The following ARMC3 variants were observed in gnomAD, a reference collection of about 807,000 sequenced individuals.
ARMC3 encodes the protein armadillo repeat containing 3.
A neutral mutation model predicts 90.3 loss-of-function variants in ARMC3; 74 were observed. The ratio of observed to expected loss-of-function variants is 0.82; its 90% confidence interval spans 0.68 to 0.99. The LOEUF (loss-of-function observed/expected upper bound fraction) is 0.99, where lower values mean the gene tolerates loss of function less well. ARMC3 is among the 50% of genes least tolerant of loss of function. The pLI, the probability that ARMC3 is intolerant of heterozygous loss-of-function variation, is 0.00. For synonymous variants in ARMC3, 334 were observed against 361.8 expected, an observed-to-expected ratio of 0.92 and a Z score of 0.87; for missense variants, 958 against 1,042.8, an observed-to-expected ratio of 0.92 and a Z score of 1.12.
intron 16 of ARMC3, chr10:23,014,122 A>G: frequency 6.5e-7 from 1 of 1,549,802 alleles, no homozygotes; most frequent in Non-Finnish European, 8.7e-7. Flanking sequence ...TTCAAGATAA[A>G]CCCTGAAGCA....
chr10:22,971,376 T>C (rs1835676979), intron 8 of ARMC3, among the ~76,000 whole-genome samples: 1 of 151,646 alleles, frequency 6.6e-6, no homozygotes, highest in Non-Finnish European at 1.5e-5. Context: ...GAGTCCCTGA[T>C]TTCAATTATT....
intron 13 of ARMC3, among the ~76,000 whole-genome samples, chr10:23,004,826 A>T (rs1354159241): frequency 6.6e-6 from 1 of 152,142 alleles, no homozygotes; most frequent in African/African-American, 2.4e-5. Flanking sequence ...CATAACACAC[A>T]CAAACCACTG....
chr10:22,929,084 AG>A (rs1280391199), intron 1 of ARMC3, among the ~76,000 whole-genome samples: 1 of 151,780 alleles, frequency 6.6e-6, no homozygotes, highest in Non-Finnish European at 1.5e-5. Flanking sequence ...AAATTAGCCG[AG>A]CGTGGTGGCG....
At chr10:22,981,937 T>C (rs1836212423) in intron 10 of ARMC3, among the ~76,000 whole-genome samples, 1 of 152,182 alleles carries the variant, frequency 6.6e-6, no homozygotes, top group South Asian at 2.1e-4. Context: ...GGCCATTTGA[T>C]TTCAGGGACC....
At chr10:22,929,315 A>AG (rs1833841636) in intron 1 of ARMC3, among the ~76,000 whole-genome samples, 1 of 150,508 alleles carries the variant, frequency 6.6e-6, no homozygotes, top group Non-Finnish European at 1.5e-5. Context: ...AAAAAGAAAA[A>AG]GAAAGGAAAG....
chr10:22,974,632 T>G, intron 8 of ARMC3, among the ~76,000 whole-genome samples: 1 of 150,698 alleles, frequency 6.6e-6, no homozygotes, highest in Admixed American at 6.6e-5. Context: ...TAAAATCTGT[T>G]TTTTTTTGTT....
intron 10 of ARMC3, among the ~76,000 whole-genome samples, chr10:22,992,219 C>T (rs1836740175): frequency 6.6e-6 from 1 of 152,192 alleles, no homozygotes; most frequent in Admixed American, 6.5e-5. Flanking sequence ...GCCTCAAAAT[C>T]GGTAGCAAAA....
In ARMC3 at chr10:22,991,561, C is replaced by T. The variant is rs140371122; in HGVS notation, c.1176-6587C>T. Among the ~76,000 whole-genome samples, 38 of 152,044 alleles carry T rather than the reference C, an allele frequency of 2.5e-4. No individual in the cohort carries two copies. In the East Asian group the frequency reaches 7.0e-3, roughly 28 times the overall value. On this transcript the variant is annotated intron_variant, in intron 10 of 18. Coordinates refer to ENST00000298032, the MANE Select transcript of ARMC3 (RefSeq NM_173081.5). ...CTTGGGGTACCACAGGAAAGGAACACATCAGGCCTACATTTCAGTCAGGGA... is the reference window on the plus strand; with the variant it reads ...CTTGGGGTACCACAGGAAAGGAACATATCAGGCCTACATTTCAGTCAGGGA...
intron 8 of ARMC3, 136 bp from the exon 9 acceptor site, chr10:22,981,204 A>G (rs1175605390): frequency 1.3e-6 from 1 of 761,834 alleles, no homozygotes; most frequent in Non-Finnish European, 2.1e-6. Context: ...ATAGTTGTAG[A>G]TTTTGTCTAG....
Position 23,030,607 on chromosome 10 carries a change from G to A in ARMC3, c.2057G>A (p.Gly686Glu), listed in dbSNP as rs1450255780. 2 of 1,612,290 alleles carry A rather than the reference G, an allele frequency of 1.2e-6. No homozygotes were observed. The highest frequency in any genetic ancestry group is 1.7e-6 in the Non-Finnish European group (2 of 1,179,258). ...GTTTACTTTCAAAGGAAAAGCAAAGGAAAAAAAGAAGAGGAAAAAGTGAAA... is the reference window on the plus strand; with the variant it reads ...GTTTACTTTCAAAGGAAAAGCAAAGAAAAAAAAGAAGAGGAAAAAGTGAAA... Reference protein sequence around the residue: ...TKEKGWRKSKGKKEEEKVKEE... With the variant: ...TKEKGWRKSKEKKEEEKVKEE... The change falls in exon 17 of 19, where the codon GGA (glycine) becomes GAA (glutamate). Residue 686 changes from glycine to glutamate, a missense_variant. Physicochemically the swap from Gly to Glu is moderately conservative, Grantham distance 98. Transcript: ENST00000298032.
rs181684810 is a variant in ARMC3 at position 23,008,779 on chromosome 10, A to T, written c.1929-36A>T. On this transcript the variant is annotated intron_variant, in intron 15 of 18. Transcript: ENST00000298032. Reference sequence around the variant, plus strand: ...GTAATGTATTGTTGTTTTCCATATGATTGAAATTGGTTGTGGTTTTTTTTC... The same window carrying T: ...GTAATGTATTGTTGTTTTCCATATGTTTGAAATTGGTTGTGGTTTTTTTTC... The T allele has an allele frequency of 6.5e-6, 10 of 1,531,778 alleles. No individual in the cohort carries two copies. The African/African-American group carries it at 1.4e-4, about 21-fold the overall frequency. 94.9% of individuals were successfully genotyped at this position (1,531,778 alleles called of 1,614,324 possible).
intron 10 of ARMC3, among the ~76,000 whole-genome samples, chr10:22,993,817 G>A (rs911063059): frequency 1.9e-4 from 29 of 152,192 alleles, no homozygotes; most frequent in African/African-American, 6.3e-4. Context: ...AGGGTGTTTG[G>A]GACAAAGGGA....
chr10:22,931,602 G>A (rs1487409122), intron 1 of ARMC3, among the ~76,000 whole-genome samples: 1 of 152,156 alleles, frequency 6.6e-6, no homozygotes, highest in East Asian at 1.9e-4. Flanking sequence ...CAAGAAAATA[G>A]ACAAAAACCT....
chr10:22,936,175 G>A (rs954506596), intron 2 of ARMC3, among the ~76,000 whole-genome samples: 7 of 152,134 alleles, frequency 4.6e-5, no homozygotes, highest in Non-Finnish European at 7.3e-5. Flanking sequence ...TAGTTTTAAA[G>A]GCCAGGGGCA....
intron 10 of ARMC3, among the ~76,000 whole-genome samples, chr10:22,994,832 G>A (rs1025964568): frequency 5.3e-5 from 8 of 152,178 alleles, no homozygotes; most frequent in Non-Finnish European, 1.0e-4. Context: ...ATAGATTGAC[G>A]TCACATGACA....
intron 2 of ARMC3, 30 bp downstream of exon 2, chr10:22,932,074 C>T (rs1833953531): frequency 6.5e-7 from 1 of 1,549,754 alleles, no homozygotes. Flanking sequence ...ACTAGTAGCA[C>T]TTTAACAACC....
In ARMC3 at chr10:22,981,435, C is replaced by A; in HGVS notation, c.1012C>A (p.Gln338Lys). The change falls in exon 9 of 19, where the codon CAA (glutamine) becomes AAA (lysine). Residue 338 changes from glutamine to lysine, a missense_variant. By Grantham distance (53) the Gln-to-Lys change is moderately conservative. Coordinates refer to ENST00000298032, the MANE Select transcript of ARMC3 (RefSeq NM_173081.5). ...ENDGTKIAAS[Q>K]AISAMCENSG... is the part of the protein sequence containing the mutation. Reference sequence around the variant, plus strand: ...TGATGGAACTAAAATTGCTGCTTCCCAAGCTATTTCAGCAATGTGTGAGAA... The same window carrying A: ...TGATGGAACTAAAATTGCTGCTTCCAAAGCTATTTCAGCAATGTGTGAGAA... 6.2e-7 allele frequency: 1 copy of A among 1,614,088 alleles called. No homozygotes were observed. The highest frequency in any genetic ancestry group is 8.5e-7 in the Non-Finnish European group (1 of 1,180,006).
chr10:23,016,607 G>A (rs1838283451), intron 16 of ARMC3, among the ~76,000 whole-genome samples: 1 of 152,142 alleles, frequency 6.6e-6, no homozygotes, highest in African/African-American at 2.4e-5. Flanking sequence ...ATTTCCATAT[G>A]CATGAAATGA....
In ARMC3 at chr10:23,008,316, T is replaced by G; in HGVS notation, c.1870T>G (p.Tyr624Asp). The change falls in exon 15 of 19, where the codon TAT (tyrosine) becomes GAT (aspartate). Residue 624 changes from tyrosine to aspartate, a missense_variant. Physicochemically the swap from Tyr to Asp is radical, Grantham distance 160. Coordinates refer to ENST00000298032, the MANE Select transcript of ARMC3 (RefSeq NM_173081.5). ...SSMEDKSDVG[Y>D]GRSISSSSSL... ...TATGGAAGATAAATCAGATGTTGGT[T>G]ATGGACGAAGTATTTCTTCTTCATC... 6.4e-7 allele frequency: 1 copy of G among 1,558,768 alleles called. No homozygotes were observed. The highest frequency in any genetic ancestry group is 8.8e-7 in the Non-Finnish European group (1 of 1,142,400).
Sources: allele counts gnomAD v4.1 joint callset (sites outside exome capture counted in the v4.1 genomes callset), GRCh38; gene constraint gnomAD v4.1.1; transcripts MANE v1.5; gene names NCBI Gene and HGNC (gene_info 2026-07-23, HGNC 2026-07-21).